The following LRP1B variants were observed in gnomAD, a reference collection of about 807,000 sequenced individuals.
The protein encoded by LRP1B is LDL receptor related protein 1B.
A neutral mutation model predicts 556.6 loss-of-function variants in LRP1B; 217 were observed. That is an observed-to-expected ratio of 0.39 (90% CI 0.35 to 0.44). The LOEUF (loss-of-function observed/expected upper bound fraction) is 0.44. Ranked by LOEUF, LRP1B falls within the 20% of genes least tolerant of loss-of-function variation. LRP1B has a pLI of 1.00. For synonymous variants in LRP1B, 2,047 were observed against 1,865.8 expected (o/e 1.10, Z -2.50); for missense variants, 5,053 against 5,620.8 (o/e 0.90, Z 3.23).
At chr2:141,076,904 G>C (rs147440901) in intron 7 of LRP1B, among the ~76,000 whole-genome samples, 3 of 152,172 alleles carry the variant, frequency 2.0e-5, no homozygotes, top group African/African-American at 7.2e-5. Context: ...ATAGGTGGAT[G>C]CAATGTCTGG....
At chr2:140,784,831 T>TA (rs1689840229) in intron 32 of LRP1B, among the ~76,000 whole-genome samples, 1 of 151,986 alleles carries the variant, frequency 6.6e-6, no homozygotes, top group Non-Finnish European at 1.5e-5. Context: ...AAATTTTTTT[T>TA]AAGGAAGGAA....
chr2:141,561,258 T>C (rs1220789931), intron 2 of LRP1B, among the ~76,000 whole-genome samples: 1 of 151,824 alleles, frequency 6.6e-6, no homozygotes, highest in Non-Finnish European at 1.5e-5. Flanking sequence ...AAACTCCATA[T>C]AAAATAAAAT....
chr2:141,716,999 G>T (rs1692626749), intron 2 of LRP1B, among the ~76,000 whole-genome samples: 1 of 151,988 alleles, frequency 6.6e-6, no homozygotes, highest in African/African-American at 2.4e-5. Flanking sequence ...AGTTGCTCCT[G>T]TTTAATTTGG....
chr2:140,335,158 AAC>A (rs1681010912), intron 78 of LRP1B, among the ~76,000 whole-genome samples: 1 of 151,200 alleles, frequency 6.6e-6, no homozygotes, highest in Non-Finnish European at 1.5e-5. Context: ...AAATGTCTGT[AAC>A]ACACTCTTTA....
intron 1 of LRP1B, among the ~76,000 whole-genome samples, chr2:141,849,279 T>G (rs766491846): frequency 1.3e-5 from 2 of 151,688 alleles, no homozygotes; most frequent in Non-Finnish European, 3.0e-5. Context: ...TAATGAAAAT[T>G]TTGTCTCTTC....
rs188435361 is a variant in LRP1B, at chr2:140,732,148, G to A, written c.5759-15332C>T. ...ATGAATTGAAGCTGGTGATGGGTAC[G>A]TGGGAGGGGTTCATTATTCTCTTCT... On this transcript the variant is annotated intron_variant, in intron 35 of 90. Transcript: ENST00000389484. Among the ~76,000 whole-genome samples, 25 of 151,938 alleles carry A rather than the reference G, an allele frequency of 1.6e-4. No individual in the cohort carries two copies. In the East Asian group the frequency reaches 4.6e-3, roughly 28 times the overall value.
chr2:141,025,067 T>A lies in LRP1B; in HGVS notation c.1790-4965A>T, dbSNP rs555362073. ...AATGTGAGAGATCCATGGAGAAATG[T>A]CTCACAATAAAAGGTCCTGAAAAGT... is the stretch of plus-strand genomic sequence containing the variant. On this transcript the variant is annotated intron_variant, in intron 11 of 90. Coordinates refer to ENST00000389484, the MANE Select transcript of LRP1B (RefSeq NM_018557.3). 3.3e-5 allele frequency among the ~76,000 whole-genome samples: 5 copies of A among 152,204 alleles called. No individual in the cohort carries two copies. The East Asian group carries it at 7.7e-4, about 24-fold the overall frequency.
intron 84 of LRP1B, among the ~76,000 whole-genome samples, chr2:140,284,489 G>A (rs1683044743): frequency 6.6e-6 from 1 of 151,542 alleles, no homozygotes; most frequent in Non-Finnish European, 1.5e-5. Context: ...TAGCCTAACT[G>A]GAGGGCAGGC....
chr2:141,368,013 C>T (rs537092942), intron 3 of LRP1B, among the ~76,000 whole-genome samples: 2 of 152,180 alleles, frequency 1.3e-5, no homozygotes, highest in South Asian at 4.1e-4. Flanking sequence ...TATACCTCAC[C>T]ATGCCATTAA....
intron 2 of LRP1B, among the ~76,000 whole-genome samples, chr2:141,739,629 A>T (rs1280984308): frequency 6.6e-6 from 1 of 151,772 alleles, no homozygotes; most frequent in Non-Finnish European, 1.5e-5. Context: ...AAAGAACTAA[A>T]CTAATAATAG....
intron 1 of LRP1B, among the ~76,000 whole-genome samples, chr2:142,096,769 T>G (rs1706385172): frequency 6.6e-6 from 1 of 151,650 alleles, no homozygotes; most frequent in Non-Finnish European, 1.5e-5. Flanking sequence ...TGTGTGCATT[T>G]GTTACCTGGT....
At chr2:140,326,122 G>A (rs1039431467) in intron 79 of LRP1B, among the ~76,000 whole-genome samples, 4 of 152,012 alleles carry the variant, frequency 2.6e-5, no homozygotes, top group African/African-American at 7.2e-5. Flanking sequence ...ATTTCACATA[G>A]GAAAGTCTGT....
At chr2:141,215,891 T>C (rs1270819020) in intron 6 of LRP1B, among the ~76,000 whole-genome samples, 1 of 152,208 alleles carries the variant, frequency 6.6e-6, no homozygotes, top group Non-Finnish European at 1.5e-5. Context: ...TTGGAAAGTT[T>C]GCAGCTTGGC....
intron 1 of LRP1B, among the ~76,000 whole-genome samples, chr2:142,083,179 G>A (rs766220386): frequency 6.6e-6 from 1 of 152,086 alleles, no homozygotes; most frequent in Non-Finnish European, 1.5e-5. Flanking sequence ...AGTTTCTGGG[G>A]GCACAAATGA....
At position 140,477,984 on chromosome 2, in the gene LRP1B, G is replaced by C. The variant is rs539663872; in HGVS notation, c.9426-2647C>G. On this transcript the variant is annotated intron_variant, in intron 59 of 90. Coordinates refer to ENST00000389484, the MANE Select transcript of LRP1B (RefSeq NM_018557.3). ...TTTTTTACTATGGAAGTACAAAAGA[G>C]TGAATAATAATTTTACCTAGATGGA... is the stretch of plus-strand genomic sequence containing the variant. Among the ~76,000 whole-genome samples the C allele has an allele frequency of 7.9e-5, 12 of 152,108 alleles. No individual in the cohort carries two copies. The East Asian group carries it at 2.3e-3, about 29-fold the overall frequency.
chr2:141,404,693 C>T (rs900746531), intron 3 of LRP1B, among the ~76,000 whole-genome samples: 1 of 152,108 alleles, frequency 6.6e-6, no homozygotes, highest in Non-Finnish European at 1.5e-5. Context: ...GAATTAAATA[C>T]GTGATCAGTT....
At chr2:141,742,251 CTTTCT>C (rs952767111) in intron 2 of LRP1B, among the ~76,000 whole-genome samples, 5 of 131,356 alleles carry the variant, frequency 3.8e-5, no homozygotes, top group African/African-American at 1.4e-4. Flanking sequence ...TTTTTTCTTT[CTTTCT>C]TTTTTTTTTT....
intron 1 of LRP1B, among the ~76,000 whole-genome samples, chr2:142,042,655 C>A (rs532336836): frequency 6.6e-6 from 1 of 151,450 alleles, no homozygotes; most frequent in Non-Finnish European, 1.5e-5. Context: ...GTTCAAAAAG[C>A]CTTTCTCAAT....
chr2:141,941,857 C>T (rs1385000694), intron 1 of LRP1B, among the ~76,000 whole-genome samples: 1 of 152,130 alleles, frequency 6.6e-6, no homozygotes, highest in Non-Finnish European at 1.5e-5. Context: ...TTACGTGCAT[C>T]TATATCCTTG....
Sources: allele counts gnomAD v4.1 joint callset (sites outside exome capture counted in the v4.1 genomes callset), GRCh38; gene constraint gnomAD v4.1.1; transcripts MANE v1.5; gene names NCBI Gene and HGNC (gene_info 2026-07-23, HGNC 2026-07-21).